Variants in CLIP1 observed in about 807,000 individuals in gnomAD.
CLIP1 encodes the protein CAP-Gly domain containing linker protein 1.
Under a neutral mutation model 161.6 loss-of-function variants are expected in CLIP1, and 66 were observed. The observed-to-expected ratio is 0.41, with a 90% confidence interval of 0.33 to 0.50. The LOEUF is 0.50. Ranked by LOEUF, CLIP1 falls within the 20% of genes least tolerant of loss-of-function variation. The pLI, the probability that CLIP1 is intolerant of heterozygous loss-of-function variation, is 0.27. For synonymous variants in CLIP1, 598 were observed against 626.2 expected, an observed-to-expected ratio of 0.96 and a Z score of 0.67; for missense variants, 1,376 against 1,702.0, an observed-to-expected ratio of 0.81 and a Z score of 3.37.
In CLIP1 at chr12:122,291,954, T is replaced by C. The variant is rs897550766; in HGVS notation, c.3595-3413A>G. Reference sequence around the variant, plus strand: ...TGTCATTCCAACCATTAAATATTAGTTGGCCTTCTACCATGAGAAAGGGCT... The same window carrying C: ...TGTCATTCCAACCATTAAATATTAGCTGGCCTTCTACCATGAGAAAGGGCT... On this transcript the variant is annotated intron_variant, in intron 20 of 25. Transcript: ENST00000620786. Among the ~76,000 whole-genome samples the C allele has an allele frequency of 2.6e-5, 4 of 152,182 alleles. No individual in the cohort carries two copies. The East Asian group carries it at 7.7e-4, about 29-fold the overall frequency.
At chr12:122,362,502 G>A (rs879509911) in intron 4 of CLIP1, among the ~76,000 whole-genome samples, 9 of 150,842 alleles carry the variant, frequency 6.0e-5, no homozygotes, top group South Asian at 2.1e-4. Context: ...TTATCTGGGC[G>A]TGGTGGTGTG....
chr12:122,401,151 T>G (rs1314676231), intron 1 of CLIP1, among the ~76,000 whole-genome samples: 2 of 152,110 alleles, frequency 1.3e-5, no homozygotes, highest in East Asian at 3.9e-4. Flanking sequence ...CCTCAGGTGA[T>G]CCGCCCGTCT....
At chr12:122,357,720 C>T (rs1168168918) in intron 5 of CLIP1, among the ~76,000 whole-genome samples, 2 of 147,918 alleles carry the variant, frequency 1.4e-5, no homozygotes, top group Non-Finnish European at 3.0e-5. Flanking sequence ...CCAGCCGCCC[C>T]GTCCGGGAGG....
intron 24 of CLIP1, 33 bp from the exon 25 acceptor site, chr12:122,274,195 CAAG>C (rs1955297308): frequency 6.5e-7 from 1 of 1,543,500 alleles, no homozygotes; most frequent in African/African-American, 1.4e-5. Flanking sequence ...TGTAAAATGT[CAAG>C]AATATATATA....
intron 11 of CLIP1, among the ~76,000 whole-genome samples, chr12:122,339,034 T>C (rs1276511985): frequency 2.0e-5 from 3 of 152,144 alleles, no homozygotes; most frequent in African/African-American, 4.8e-5. Context: ...GTTCAGAACA[T>C]TGAGCATCAA....
At chr12:122,411,882 A>G (rs1956546942) in intron 1 of CLIP1, among the ~76,000 whole-genome samples, 1 of 152,134 alleles carries the variant, frequency 6.6e-6, no homozygotes, top group South Asian at 2.1e-4. Flanking sequence ...TGAAAATATA[A>G]TAAAACTGAT....
At chr12:122,333,462 A>G (rs1190247670) in intron 14 of CLIP1, among the ~76,000 whole-genome samples, 1 of 152,206 alleles carries the variant, frequency 6.6e-6, no homozygotes, top group Non-Finnish European at 1.5e-5. Context: ...AAGCAAGTGC[A>G]CAGGCTCTGA....
At chr12:122,419,912 G>T (rs10846839) in intron 1 of CLIP1, among the ~76,000 whole-genome samples, 17,180 of 130,432 alleles carry the variant, frequency 0.13, 1,410 homozygotes, top group East Asian at 0.46. Flanking sequence ...AGAGCGAGAT[G>T]CGAGACTCTG....
intron 9 of CLIP1, among the ~76,000 whole-genome samples, chr12:122,350,372 A>T (rs1182617090): frequency 2.0e-5 from 3 of 152,162 alleles, no homozygotes; most frequent in Non-Finnish European, 4.4e-5. Flanking sequence ...GGCTCTGGAG[A>T]CCACATAGCA....
intron 20 of CLIP1, 96 bp downstream of exon 20, chr12:122,309,666 A>G: frequency 6.8e-7 from 1 of 1,460,968 alleles, no homozygotes; most frequent in Non-Finnish European, 9.4e-7. Context: ...TGACCCCACC[A>G]CACTGAGCAG....
At chr12:122,273,194 A>G (rs756398776) in intron 25 of CLIP1, 94 bp from the exon 26 acceptor site, 79 of 936,326 alleles carry the variant, frequency 8.4e-5, no homozygotes, top group Non-Finnish European at 1.2e-4. Context: ...AGCAAGAACT[A>G]ATTATGGCCA....
At chr12:122,345,517 G>GA (rs1323593157) in intron 10 of CLIP1, among the ~76,000 whole-genome samples, 3 of 150,674 alleles carry the variant, frequency 2.0e-5, no homozygotes, top group African/African-American at 7.5e-5. Flanking sequence ...TTCAGAGGCC[G>GA]ATAGTTCCTT....
chr12:122,335,806 CA>C (rs529751924), intron 12 of CLIP1, among the ~76,000 whole-genome samples: 4,635 of 126,838 alleles, frequency 0.037, 200 homozygotes, highest in African/African-American at 0.12. Context: ...GACTCTGTCT[CA>C]AAAAAAAAAA....
At chr12:122,333,963 A>G in intron 14 of CLIP1, 64 bp downstream of exon 14, 1 of 964,822 alleles carries the variant, frequency 1.0e-6, no homozygotes, top group Non-Finnish European at 1.7e-6. Flanking sequence ...AACATACTAC[A>G]ACTGTCTCGA....
intron 3 of CLIP1, among the ~76,000 whole-genome samples, chr12:122,374,111 G>A (rs1052502093): frequency 5.3e-5 from 8 of 152,076 alleles, no homozygotes; most frequent in African/African-American, 1.9e-4. Context: ...GCCAAGGAGA[G>A]CGGATCACGA....
chr12:122,384,806 CTTTT>C (rs200917118), intron 1 of CLIP1, among the ~76,000 whole-genome samples: 4 of 140,106 alleles, frequency 2.9e-5, no homozygotes, highest in South Asian at 4.6e-4. Context: ...TCTCCAGTTT[CTTTT>C]TTTTTTTTTT....
In CLIP1 at chr12:122,374,545, C is replaced by T. The variant is rs145127950; in HGVS notation, c.657+2844G>A. Among the ~76,000 whole-genome samples the T allele has an allele frequency of 9.7e-3, 1,476 of 151,998 alleles. 23 individuals are homozygous for T. Among genetic ancestry groups the T allele is most frequent in the African/African-American group, 0.034 (1,411 of 41,460 alleles). On this transcript the variant is annotated intron_variant, in intron 3 of 25. Transcript: ENST00000620786. ...TTGGGAGGCCGAGTCGGGTGGATCA[C>T]GAGGTCAGGGGTTTGAGACTAGCCT...
intron 1 of CLIP1, among the ~76,000 whole-genome samples, chr12:122,382,218 G>A (rs764954043): frequency 3.9e-5 from 6 of 152,006 alleles, no homozygotes; most frequent in Non-Finnish European, 7.4e-5. Context: ...AAAATTAGCC[G>A]GGCATGGTGG....
chr12:122,364,635 G>A (rs1954036231), intron 3 of CLIP1: 3 of 399,782 alleles, frequency 7.5e-6, no homozygotes, highest in Non-Finnish European at 4.9e-6. Flanking sequence ...GAACTCCTGG[G>A]CTCAAGTGAT....
Sources: allele counts gnomAD v4.1 joint callset (sites outside exome capture counted in the v4.1 genomes callset), GRCh38; gene constraint gnomAD v4.1.1; transcripts MANE v1.5; gene names NCBI Gene and HGNC (gene_info 2026-07-23, HGNC 2026-07-21).